The following HS3ST4 variants were observed in gnomAD, a reference collection of about 807,000 sequenced individuals.
HS3ST4 encodes heparan sulfate-glucosamine 3-sulfotransferase 4, also known as heparan sulfate glucosamine 3-O-sulfotransferase 4.
HS3ST4 carries 17 observed loss-of-function variants against 29.2 expected under a neutral mutation model. That is an observed-to-expected ratio of 0.58 (90% CI 0.40 to 0.87). The LOEUF is 0.87. HS3ST4 is among the 40% of genes least tolerant of loss of function. The pLI, the probability that HS3ST4 is intolerant of heterozygous loss-of-function variation, is 0.00. For synonymous variants in HS3ST4, 314 were observed against 285.7 expected (o/e 1.10, Z -1.00); for missense variants, 627 against 634.5 (o/e 0.99, Z 0.13).
Position 25,736,216 on chromosome 16 carries a change from A to G in HS3ST4, c.734+43065A>G, listed in dbSNP as rs144465345. Among the ~76,000 whole-genome samples, 14 of 152,340 alleles carry G rather than the reference A, an allele frequency of 9.2e-5. No individual in the cohort carries two copies. In the East Asian group the frequency reaches 2.5e-3, roughly 27 times the overall value. ...GGGGAAGTTAATTGGAATGGCATTC[A>G]TAACGACGTTGGAAGAACATGTTTT... is the stretch of plus-strand genomic sequence containing the variant. On this transcript the variant is annotated intron_variant, in intron 1 of 1. Coordinates refer to ENST00000331351, the MANE Select transcript of HS3ST4 (RefSeq NM_006040.3).
intron 1 of HS3ST4, among the ~76,000 whole-genome samples, chr16:25,906,451 G>T (rs115961215): frequency 0.013 from 1,984 of 152,170 alleles, 44 homozygotes; most frequent in African/African-American, 0.046. Context: ...CTTATTACAT[G>T]CCTGGCACTA....
At chr16:25,974,543 A>G (rs1346996594) in intron 1 of HS3ST4, among the ~76,000 whole-genome samples, 1 of 152,160 alleles carries the variant, frequency 6.6e-6, no homozygotes, top group Non-Finnish European at 1.5e-5. Flanking sequence ...GGAAGACACT[A>G]GATCCTTAAA....
At chr16:25,981,994 G>A (rs1969010098) in intron 1 of HS3ST4, among the ~76,000 whole-genome samples, 1 of 151,976 alleles carries the variant, frequency 6.6e-6, no homozygotes. Flanking sequence ...TTGTGCATGC[G>A]TGTGCAGCAG....
intron 1 of HS3ST4, among the ~76,000 whole-genome samples, chr16:25,924,274 T>C (rs2141684288): frequency 6.6e-6 from 1 of 152,328 alleles, no homozygotes; most frequent in African/African-American, 2.4e-5. Flanking sequence ...ATCTCTTTAA[T>C]CTATTAGCTT....
chr16:26,057,571 G>A (rs917086252), intron 1 of HS3ST4, among the ~76,000 whole-genome samples: 2 of 152,114 alleles, frequency 1.3e-5, no homozygotes, highest in African/African-American at 4.8e-5. Flanking sequence ...TGGCCAACAT[G>A]GTGAAACTCC....
intron 1 of HS3ST4, among the ~76,000 whole-genome samples, chr16:25,725,143 C>T (rs1266983116): frequency 1.3e-5 from 2 of 151,078 alleles, no homozygotes; most frequent in Non-Finnish European, 2.9e-5. Context: ...TCATAGGCAC[C>T]CTTTTCCAGA....
chr16:26,047,795 G>A (rs551809097), intron 1 of HS3ST4, among the ~76,000 whole-genome samples: 14 of 152,324 alleles, frequency 9.2e-5, no homozygotes, highest in African/African-American at 3.4e-4. Context: ...TTGGACTCAA[G>A]AAGTTCATGA....
At chr16:25,781,213 G>T (rs960761183) in intron 1 of HS3ST4, among the ~76,000 whole-genome samples, 10 of 152,206 alleles carry the variant, frequency 6.6e-5, no homozygotes, top group Non-Finnish European at 1.3e-4. Flanking sequence ...GTGTTTACTT[G>T]ACTGGAACTG....
chr16:26,013,859 A>C (rs899842981), intron 1 of HS3ST4, among the ~76,000 whole-genome samples: 4 of 151,846 alleles, frequency 2.6e-5, no homozygotes, highest in Non-Finnish European at 5.9e-5. Flanking sequence ...AATACAAAAA[A>C]ATTAGCTGGG....
chr16:25,936,492 A>C (rs1241420041), intron 1 of HS3ST4, among the ~76,000 whole-genome samples: 1 of 152,272 alleles, frequency 6.6e-6, no homozygotes, highest in Non-Finnish European at 1.5e-5. Context: ...ATGAGAAGAA[A>C]AGCCAACTTG....
chr16:25,851,187 C>G (rs10163260), intron 1 of HS3ST4, among the ~76,000 whole-genome samples: 44,154 of 152,024 alleles, frequency 0.29, 6,849 homozygotes, highest in Admixed American at 0.34. Flanking sequence ...ATTGACTGGA[C>G]GTTTAGATTA....
chr16:26,091,918 G>T (rs959967484), intron 1 of HS3ST4, among the ~76,000 whole-genome samples: 7 of 152,176 alleles, frequency 4.6e-5, no homozygotes, highest in Non-Finnish European at 8.8e-5. Flanking sequence ...GGGCACAGCT[G>T]TGAACAATGA....
chr16:26,097,535 G>C lies in HS3ST4; in HGVS notation c.735-38077G>C, dbSNP rs189916048. Among the ~76,000 whole-genome samples, 11 of 152,302 alleles carry C rather than the reference G, an allele frequency of 7.2e-5. No homozygotes were observed. In the East Asian group the frequency reaches 2.1e-3, roughly 29 times the overall value. On this transcript the variant is annotated intron_variant, in intron 1 of 1. Coordinates refer to ENST00000331351, the MANE Select transcript of HS3ST4 (RefSeq NM_006040.3). The stretch of plus-strand genomic sequence containing the variant: ...TGGGAAAACTGGCTAGCCATATGTA[G>C]AAAGCTGAAACTGGATCCCTTCCTT...
chr16:26,096,929 T>C (rs116685817), intron 1 of HS3ST4, among the ~76,000 whole-genome samples: 4,901 of 152,276 alleles, frequency 0.032, 253 homozygotes, highest in African/African-American at 0.11. Context: ...AGCATTTCTA[T>C]GCATGAATTA....
At chr16:26,051,916 T>TC (rs1898353206) in intron 1 of HS3ST4, among the ~76,000 whole-genome samples, 1 of 104,582 alleles carries the variant, frequency 9.6e-6, no homozygotes, top group Non-Finnish European at 1.9e-5. Context: ...CTCCCTCCCT[T>TC]CCTTCCTTCC....
At chr16:25,831,409 ACACAC>A (rs1967297967) in intron 1 of HS3ST4, among the ~76,000 whole-genome samples, 3 of 143,574 alleles carry the variant, frequency 2.1e-5, no homozygotes, top group African/African-American at 8.0e-5. Flanking sequence ...ACACACACAC[ACACAC>A]ACACACACAC....
In HS3ST4 at chr16:25,858,642, G is replaced by C. The variant is rs547426721; in HGVS notation, c.734+165491G>C. Among the ~76,000 whole-genome samples, 104 of 151,834 alleles carry C rather than the reference G, an allele frequency of 6.8e-4. 1 individual carries two copies. Among genetic ancestry groups the C allele is most frequent in the Admixed American group, 1.5e-3 (23 of 15,250 alleles). Reference sequence around the variant, plus strand: ...ATTGCTTTCACTGATACTTCATTTTGAGTAGGTTTTTGACAGCATTTCCAA... The same window carrying C: ...ATTGCTTTCACTGATACTTCATTTTCAGTAGGTTTTTGACAGCATTTCCAA... On this transcript the variant is annotated intron_variant, in intron 1 of 1. Coordinates refer to ENST00000331351, the MANE Select transcript of HS3ST4 (RefSeq NM_006040.3).
At chr16:25,867,417 C>T (rs138389024) in intron 1 of HS3ST4, among the ~76,000 whole-genome samples, 19 of 152,218 alleles carry the variant, frequency 1.2e-4, no homozygotes, top group Non-Finnish European at 2.8e-4. Context: ...GAAACTCTCC[C>T]TAAGAGGAGG....
chr16:25,894,478 G>T (rs886388862), intron 1 of HS3ST4, among the ~76,000 whole-genome samples: 4 of 151,672 alleles, frequency 2.6e-5, no homozygotes, highest in African/African-American at 9.7e-5. Flanking sequence ...GCGTCCTGTG[G>T]TGTAGGCCTC....
Sources: gnomAD v4.1 joint callset for allele counts (sites outside exome capture counted in the v4.1 genomes callset) on GRCh38, gnomAD v4.1.1 for gene constraint, MANE v1.5 for transcripts, NCBI Gene and HGNC (gene_info 2026-07-23, HGNC 2026-07-21) for gene names.